Variants in CCNJL observed in about 807,000 individuals in gnomAD.
The protein encoded by CCNJL is cyclin J like.
CCNJL carries 33 observed loss-of-function variants against 33.4 expected under a neutral mutation model. That is an observed-to-expected ratio of 0.99 (90% CI 0.75 to 1.32). The LOEUF is 1.32. Ranked by LOEUF, CCNJL falls within the 40% of genes most tolerant of loss-of-function variation. CCNJL has a pLI of 0.00. For missense variants in CCNJL, 512 were observed against 499.7 expected (o/e 1.02, Z -0.23); for synonymous variants, 227 against 220.9 (o/e 1.03, Z -0.24).
At chr5:160,265,420 G>A (rs1313045252) in intron 3 of CCNJL, among the ~76,000 whole-genome samples, 4 of 152,198 alleles carry the variant, frequency 2.6e-5, no homozygotes, top group Non-Finnish European at 4.4e-5. Flanking sequence ...GGCGGATCAC[G>A]AGGTCAGAAG....
chr5:160,294,070 T>C (rs1762672832), intron 2 of CCNJL, among the ~76,000 whole-genome samples: 1 of 152,210 alleles, frequency 6.6e-6, no homozygotes. Context: ...AGAAACACCA[T>C]GTGTAACCAA....
At chr5:160,328,518 AG>A (rs1289207371) in intron 1 of CCNJL, among the ~76,000 whole-genome samples, 4 of 151,872 alleles carry the variant, frequency 2.6e-5, no homozygotes, top group Non-Finnish European at 5.9e-5. Flanking sequence ...GCACTTTGGG[AG>A]GTCAAGGCAG....
intron 2 of CCNJL, 129 bp from the exon 3 acceptor site, chr5:160,280,867 C>T (rs950120929): frequency 1.4e-6 from 1 of 737,778 alleles, no homozygotes; most frequent in Non-Finnish European, 2.4e-6. Context: ...CTTAGTTTTC[C>T]TGCAAGTCCC....
At chr5:160,287,518 A>C (rs1004803068) in intron 2 of CCNJL, among the ~76,000 whole-genome samples, 1 of 152,210 alleles carries the variant, frequency 6.6e-6, no homozygotes, top group South Asian at 2.1e-4. Flanking sequence ...TAGTTTGAGA[A>C]TCTAGCTGAT....
At chr5:160,329,350 CT>C (rs1164893806) in intron 1 of CCNJL, among the ~76,000 whole-genome samples, 4,460 of 132,986 alleles carry the variant, frequency 0.034, 82 homozygotes, top group African/African-American at 0.069. Flanking sequence ...AGGAAGTCTT[CT>C]TTTTTTTTTT....
intron 3 of CCNJL, among the ~76,000 whole-genome samples, chr5:160,275,584 A>G (rs1357739436): frequency 1.3e-5 from 2 of 152,086 alleles, no homozygotes; most frequent in Non-Finnish European, 2.9e-5. Context: ...TCCTGGGCTC[A>G]AGAGTTCCTC....
chr5:160,278,344 GT>G (rs1301807519), intron 3 of CCNJL, among the ~76,000 whole-genome samples: 17 of 152,248 alleles, frequency 1.1e-4, no homozygotes, highest in Non-Finnish European at 2.2e-4. Context: ...AGATTGACAG[GT>G]GGGGGGGCAA....
intron 1 of CCNJL, among the ~76,000 whole-genome samples, chr5:160,322,767 G>A (rs116220107): frequency 0.045 from 6,743 of 150,842 alleles, 213 homozygotes; most frequent in Non-Finnish European, 0.067. Flanking sequence ...TTAGCTGGGC[G>A]TGGTTGCGCA....
intron 2 of CCNJL, among the ~76,000 whole-genome samples, chr5:160,305,655 C>T (rs1763072166): frequency 6.6e-6 from 1 of 152,192 alleles, no homozygotes; most frequent in African/African-American, 2.4e-5. Context: ...TTTGTATTTC[C>T]ACTTTGTGTT....
chr5:160,253,541 T>C lies in CCNJL; in HGVS notation c.1001A>G (p.Tyr334Cys). The stretch of plus-strand genomic sequence containing the variant: ...CATATCCAAGGGCTGCAGCGGTTGG[T>C]ACGGGGTGTGGAGGGATGAGCCTGT... ...GSTGSSLHTPYQPLQPLDMCP... is the reference protein window; with the variant it reads ...GSTGSSLHTPCQPLQPLDMCP... The change falls in exon 6 of 6, where the codon TAC becomes TGC. Residue 334 changes from tyrosine (Y) to cysteine (C), a missense_variant. By Grantham distance (194) the Tyr-to-Cys change is radical. Coordinates refer to ENST00000257536, the MANE Select transcript of CCNJL (RefSeq NM_001308173.3). 1 of 1,614,112 alleles carries C rather than the reference T, an allele frequency of 6.2e-7. No homozygotes were observed. The highest frequency in any genetic ancestry group is 8.5e-7 in the Non-Finnish European group (1 of 1,179,998).
At position 160,255,578 on chromosome 5, in the gene CCNJL, G is replaced by A. The variant is rs78721637; in HGVS notation, c.714C>T (p.His238=). ...LQRISSYSLE[H]LSTCIEILLV... ...GCAGGATTTCAATACACGTGCTGAGGTGCTCCAGGGAATAGCTTGAGATCC... is the reference window on the plus strand; with the variant it reads ...GCAGGATTTCAATACACGTGCTGAGATGCTCCAGGGAATAGCTTGAGATCC... The change falls in exon 5 of 6, where the codon CAC becomes CAT. Residue 238 remains histidine (H), a synonymous_variant. Transcript: ENST00000257536. The A allele has an allele frequency of 2.7e-3, 4,303 of 1,614,156 alleles. 108 individuals carry two copies. The African/African-American group carries it at 0.05, about 19-fold the overall frequency.
chr5:160,266,109 G>A (rs1185279036), intron 3 of CCNJL, among the ~76,000 whole-genome samples: 3 of 152,232 alleles, frequency 2.0e-5, no homozygotes, highest in Admixed American at 1.3e-4. Context: ...ATCAAGGACC[G>A]CCCAGTGGTA....
intron 1 of CCNJL, among the ~76,000 whole-genome samples, chr5:160,330,551 C>T (rs1763592757): frequency 6.6e-6 from 1 of 152,202 alleles, no homozygotes; most frequent in Admixed American, 6.5e-5. Context: ...AACCTTCAGG[C>T]TTTAAACCTC....
At chr5:160,314,205 C>T (rs562204624), upstream of CCNJL, among the ~76,000 whole-genome samples, 70 of 152,216 alleles carry the variant, frequency 4.6e-4, no homozygotes, top group African/African-American at 1.6e-3. Flanking sequence ...GGGGGACAGA[C>T]CTGTATTATC....
chr5:160,313,028 C>G (rs1763329013), upstream of CCNJL: 1 of 151,836 alleles, frequency 6.6e-6, no homozygotes, highest in African/African-American at 2.4e-5. Context: ...ACGGACAATT[C>G]CAGTGAAAGC....
intron 1 of CCNJL, among the ~76,000 whole-genome samples, chr5:160,337,724 T>C (rs1433089248): frequency 6.6e-6 from 1 of 152,184 alleles, no homozygotes; most frequent in Non-Finnish European, 1.5e-5. Flanking sequence ...GAATTGAAAG[T>C]AGGCCCAATC....
At chr5:160,318,197 A>G (rs1044431262) in intron 1 of CCNJL, among the ~76,000 whole-genome samples, 6 of 151,974 alleles carry the variant, frequency 3.9e-5, no homozygotes, top group Non-Finnish European at 4.4e-5. Flanking sequence ...TTGTATTTTT[A>G]GTAGAGACAG....
intron 3 of CCNJL, among the ~76,000 whole-genome samples, chr5:160,272,798 G>A (rs1761883256): frequency 6.6e-6 from 1 of 152,110 alleles, no homozygotes. Context: ...AATCTTCAGT[G>A]TTACCTACCT....
At chr5:160,297,438 T>C (rs1762781925) in intron 2 of CCNJL, among the ~76,000 whole-genome samples, 1 of 152,102 alleles carries the variant, frequency 6.6e-6, no homozygotes, top group African/African-American at 2.4e-5. Context: ...TCCTGAAACA[T>C]GGCTCTGGGG....
Sources: allele counts gnomAD v4.1 joint callset (sites outside exome capture counted in the v4.1 genomes callset), GRCh38; gene constraint gnomAD v4.1.1; transcripts MANE v1.5; gene names NCBI Gene and HGNC (gene_info 2026-07-23, HGNC 2026-07-21).